Variants in KSR1 observed in about 807,000 individuals in gnomAD.
The protein encoded by KSR1 is kinase suppressor of ras 1.
Under a neutral mutation model 92.9 loss-of-function variants are expected in KSR1, and 35 were observed. That is an observed-to-expected ratio of 0.38 (90% CI 0.29 to 0.50). The LOEUF is 0.50. KSR1 is among the 20% of genes least tolerant of loss of function. The pLI, the probability that KSR1 is intolerant of heterozygous loss-of-function variation, is 0.94. For missense variants in KSR1, 972 were observed against 1,158.5 expected (o/e 0.84, Z 2.34); for synonymous variants, 467 against 472.6 (o/e 0.99, Z 0.15).
intron 1 of KSR1, among the ~76,000 whole-genome samples, chr17:27,504,313 C>T (rs1356616765): frequency 6.6e-6 from 1 of 152,236 alleles, no homozygotes; most frequent in African/African-American, 2.4e-5. Context: ...GTGGTTTCAA[C>T]TCAGTTGCAG....
At chr17:27,568,517 C>T (rs1199235217) in intron 2 of KSR1, among the ~76,000 whole-genome samples, 1 of 152,206 alleles carries the variant, frequency 6.6e-6, no homozygotes, top group African/African-American at 2.4e-5. Context: ...GAGGAGGGGA[C>T]TCGTCTGACC....
intron 1 of KSR1, among the ~76,000 whole-genome samples, chr17:27,478,337 T>G (rs2068406515): frequency 6.6e-6 from 1 of 152,154 alleles, no homozygotes; most frequent in Non-Finnish European, 1.5e-5. Flanking sequence ...CCTTCTTACC[T>G]TGGTCAAGTT....
chr17:27,527,168 C>A, intron 1 of KSR1: 1 of 260,720 alleles, frequency 3.8e-6, no homozygotes, highest in Non-Finnish European at 7.9e-6. Context: ...CAGCAGGGTA[C>A]TCTTTTCTAG....
At chr17:27,585,478 A>C (rs1027688139) in intron 4 of KSR1, among the ~76,000 whole-genome samples, 179 bp from the exon 5 acceptor site, 2 of 152,116 alleles carry the variant, frequency 1.3e-5, no homozygotes, top group Non-Finnish European at 2.9e-5. Flanking sequence ...TCCATTGAGG[A>C]AATGTCCCCA....
rs781302572 is a variant in KSR1, at chr17:27,582,656, C to T, written c.531C>T (p.His177=). Residue 177 remains histidine, a synonymous_variant, in exon 4 of 21, where the codon CAC becomes CAT. Transcript: ENST00000644974. The stretch of plus-strand genomic sequence containing the variant: ...CGTCTTGGTCCACAGGAGGGGAGCA[C>T]AAGGAGGACTCCAGTTGGAGTTCAT... The part of the protein sequence containing the change: ...LRKVTGLGGE[H]KEDSSWSSLD... The T allele has an allele frequency of 3.7e-6, 6 of 1,608,698 alleles. No individual in the cohort carries two copies. The highest frequency in any genetic ancestry group is 1.7e-5 in the Admixed American group (1 of 59,800).
intron 1 of KSR1, among the ~76,000 whole-genome samples, chr17:27,464,940 T>TAAA (rs111417449): frequency 2.2e-5 from 3 of 134,156 alleles, no homozygotes; most frequent in Non-Finnish European, 4.8e-5. Context: ...CTGATGAGCT[T>TAAA]AAAAAAAAAA....
intron 2 of KSR1, among the ~76,000 whole-genome samples, chr17:27,573,387 AGT>A (rs757744126): frequency 2.4e-4 from 36 of 152,186 alleles, no homozygotes; most frequent in Non-Finnish European, 4.1e-4. Context: ...AAGGCAGAGA[AGT>A]GTGTTAAATC....
chr17:27,468,873 T>G (rs1396601647), intron 1 of KSR1, among the ~76,000 whole-genome samples: 2 of 152,120 alleles, frequency 1.3e-5, no homozygotes, highest in African/African-American at 4.8e-5. Context: ...GAGACTGAGA[T>G]GAGAGTTTTT....
chr17:27,601,458 C>A, intron 11 of KSR1, 57 bp downstream of exon 11: 1 of 1,495,662 alleles, frequency 6.7e-7, no homozygotes, highest in Non-Finnish European at 9.3e-7. Context: ...TTCTGTCCTG[C>A]CCACCTGGGC....
intron 1 of KSR1, among the ~76,000 whole-genome samples, chr17:27,481,210 G>GT (rs2068499249): frequency 6.6e-6 from 1 of 151,962 alleles, no homozygotes; most frequent in South Asian, 2.1e-4. Flanking sequence ...ATTTTTGTGA[G>GT]TTTCGTGATT....
At chr17:27,471,139 A>G (rs2019977202) in intron 1 of KSR1, among the ~76,000 whole-genome samples, 2 of 152,172 alleles carry the variant, frequency 1.3e-5, no homozygotes, top group South Asian at 4.1e-4. Flanking sequence ...AAAGTGCTGT[A>G]AAGGCGTGAG....
chr17:27,528,797 C>T (rs1236473909), intron 1 of KSR1, among the ~76,000 whole-genome samples: 4 of 152,088 alleles, frequency 2.6e-5, no homozygotes, highest in Non-Finnish European at 4.4e-5. Flanking sequence ...CCCAGCTACT[C>T]AGGAGGCTGA....
At position 27,592,599 on chromosome 17, in the gene KSR1, A is replaced by T; in HGVS notation, c.1272A>T (p.Gly424=). Residue 424 remains glycine, a synonymous_variant, in exon 9 of 21, where the codon GGA becomes GGT. Coordinates refer to ENST00000644974, the MANE Select transcript of KSR1 (RefSeq NM_001394583.1). ...ACAGAGCAGCCGAACCCCATTTTGG[A>T]ACCCTCCCCAAAGCACTGACAAAGA... ...PVDRAAEPHF[G]TLPKALTKKE... is the part of the protein sequence containing the mutation. 6.2e-7 allele frequency: 1 copy of T among 1,613,946 alleles called. No homozygotes were observed.
At chr17:27,594,760 A>G (rs1248041871) in intron 9 of KSR1, among the ~76,000 whole-genome samples, 1 of 137,414 alleles carries the variant, frequency 7.3e-6, no homozygotes, top group Admixed American at 7.4e-5. Flanking sequence ...TGCCCACCCC[A>G]CATTCCCCTT....
At chr17:27,477,252 T>G (rs192594068) in intron 1 of KSR1, among the ~76,000 whole-genome samples, 13 of 152,346 alleles carry the variant, frequency 8.5e-5, no homozygotes, top group Non-Finnish European at 1.6e-4. Context: ...GCTGACCTCC[T>G]GTCTCATCCT....
At position 27,609,291 on chromosome 17, in the gene KSR1, C is replaced by T. The variant is rs761468868; in HGVS notation, c.2187C>T (p.Phe729=). 16 of 1,613,918 alleles carry T rather than the reference C, an allele frequency of 9.9e-6. No homozygotes were observed. The East Asian group carries it at 1.8e-4, about 18-fold the overall frequency. ...YDNGKVVITD[F]GLFGISGVVR... ...ACGGCAAGGTGGTCATCACAGACTT[C>T]GGGCTGTTTGGGATCTCAGGCGTGG... is the stretch of plus-strand genomic sequence containing the variant. Residue 729 remains phenylalanine, a synonymous_variant, in exon 16 of 21, where the codon TTC becomes TTT. Transcript: ENST00000644974.
At chr17:27,601,245 G>C in intron 10 of KSR1, 115 bp from the exon 11 acceptor site, 1 of 874,106 alleles carries the variant, frequency 1.1e-6, no homozygotes, top group Non-Finnish European at 1.8e-6. Context: ...TCTGGGGTAG[G>C]GCTGTCCCAG....
intron 1 of KSR1, among the ~76,000 whole-genome samples, chr17:27,527,914 T>C (rs2070379474): frequency 6.6e-6 from 1 of 152,338 alleles, no homozygotes; most frequent in African/African-American, 2.4e-5. Flanking sequence ...TCTCCCCAAA[T>C]GCTGTTATTA....
intron 2 of KSR1, among the ~76,000 whole-genome samples, chr17:27,576,595 GACAA>G (rs1330509326): frequency 6.6e-6 from 1 of 152,152 alleles, no homozygotes; most frequent in African/African-American, 2.4e-5. Context: ...GCTACTAAGT[GACAA>G]ACAGGCCGGG....
Sources: gnomAD v4.1 joint callset for allele counts (sites outside exome capture counted in the v4.1 genomes callset) on GRCh38, gnomAD v4.1.1 for gene constraint, MANE v1.5 for transcripts, NCBI Gene and HGNC (gene_info 2026-07-23, HGNC 2026-07-21) for gene names.